Variants in MYLK3 observed in about 807,000 individuals in gnomAD.
MYLK3 encodes the protein myosin light chain kinase 3.
A neutral mutation model predicts 76.3 loss-of-function variants in MYLK3; 55 were observed. The observed-to-expected ratio is 0.72, with a 90% CI of 0.58 to 0.90. MYLK3 has a LOEUF of 0.90. Ranked by LOEUF, MYLK3 falls within the 40% of genes least tolerant of loss-of-function variation. MYLK3 has a pLI of 0.00. For synonymous variants in MYLK3, 416 were observed against 425.4 expected, an observed-to-expected ratio of 0.98 and a Z score of 0.27; for missense variants, 973 against 1,053.6, an observed-to-expected ratio of 0.92 and a Z score of 1.06.
In MYLK3 at chr16:46,738,046, T is replaced by G. The variant is rs781682946; in HGVS notation, c.666A>C (p.Ser222=). Residue 222 remains serine, a synonymous_variant, in exon 3 of 13, where the codon TCA becomes TCC. Coordinates refer to ENST00000394809, the MANE Select transcript of MYLK3 (RefSeq NM_182493.3). ...LGADPAQAVV[S]PGQGDGVPGP... ...CAGGAACACCATCTCCCTGGCCCGG[T>G]GAGACCACTGCCTGGGCGGGGTCAG... 2 of 1,610,366 alleles carry G rather than the reference T, an allele frequency of 1.2e-6. No individual in the cohort carries two copies. Among genetic ancestry groups the G allele is most frequent in the South Asian group, 2.2e-5 (2 of 90,892 alleles).
chr16:46,737,638 G>T, intron 3 of MYLK3, 73 bp downstream of exon 3: 1 of 1,416,658 alleles, frequency 7.1e-7, no homozygotes, highest in Non-Finnish European at 9.6e-7. Context: ...AGTGGATGCT[G>T]CCCACGGCCG....
Position 46,740,147 on chromosome 16 carries a change from T to C in MYLK3, c.478A>G (p.Asn160Asp), listed in dbSNP as rs1217828937. 2 of 1,613,270 alleles carry C rather than the reference T, an allele frequency of 1.2e-6. No individual in the cohort carries two copies. Among genetic ancestry groups the C allele is most frequent in the South Asian group, 2.2e-5 (2 of 91,042 alleles). ...CCCTCTTCTTCCACTCGCTCTTTAT[T>C]CTAAAATAACAACCATAAAAAATGT... ...RGSPGDSPEE[N>D]KERVEEEGGK... Residue 160 changes from asparagine to aspartate, a missense_variant and splice_region_variant, in exon 2 of 13, where the codon AAT becomes GAT. Physicochemically the swap from Asn to Asp is conservative, Grantham distance 23 (BLOSUM62 1). Coordinates refer to ENST00000394809, the MANE Select transcript of MYLK3 (RefSeq NM_182493.3).
chr16:46,723,330 C>T (rs1309104288), intron 8 of MYLK3, among the ~76,000 whole-genome samples: 2 of 152,196 alleles, frequency 1.3e-5, no homozygotes, highest in Admixed American at 1.3e-4. Flanking sequence ...CATTCCTTTT[C>T]ATGGCTAAAT....
chr16:46,718,912 G>C (rs1346533260), intron 9 of MYLK3, among the ~76,000 whole-genome samples: 1 of 152,068 alleles, frequency 6.6e-6, no homozygotes, highest in African/African-American at 2.4e-5. Context: ...GTTGCAGTGA[G>C]CCTGACAGAG....
rs1412617065 is a variant in MYLK3, at chr16:46,716,123, C to G, written c.1986-3347G>C. The stretch of plus-strand genomic sequence containing the variant: ...CCTGCATTATCATGGGTTTTGGGTG[C>G]CTGCCCGTCACCAGAGCCCAGCTGT... On this transcript the variant is annotated intron_variant, in intron 9 of 12. Transcript: ENST00000394809. Among the ~76,000 whole-genome samples the G allele has an allele frequency of 2.0e-5, 3 of 152,184 alleles. No individual in the cohort carries two copies. In the South Asian group the frequency reaches 6.2e-4, roughly 31 times the overall value.
intron 8 of MYLK3, among the ~76,000 whole-genome samples, chr16:46,723,319 T>C (rs990102551): frequency 2.6e-5 from 4 of 152,210 alleles, no homozygotes; most frequent in Admixed American, 6.5e-5. Flanking sequence ...TATCAGCACT[T>C]CATTCCTTTT....
chr16:46,730,512 C>G (rs901405835), intron 5 of MYLK3, 81 bp downstream of exon 5: 2 of 1,150,666 alleles, frequency 1.7e-6, no homozygotes, highest in Non-Finnish European at 2.6e-6. Context: ...CTGCAGCACC[C>G]ACCCCAGTTC....
Position 46,732,566 on chromosome 16 carries a change from G to T in MYLK3, c.1104C>A (p.Ala368=), listed in dbSNP as rs765555940. 2 of 1,599,814 alleles carry T rather than the reference G, an allele frequency of 1.3e-6. No homozygotes were observed. The highest frequency in any genetic ancestry group is 3.3e-5 in the Admixed American group (2 of 59,948). Residue 368 remains alanine (A), a synonymous_variant, in exon 4 of 13, where the codon GCC becomes GCA. Transcript: ENST00000394809. ...CAGGTGGGCCCTGCTTGCCTGGCTG[G>T]GCAGCTGCTGGAGCCTCTGTGGTGA... ...PTLTTEAPAA[A]QPGKQGPPGT...
intron 1 of MYLK3, among the ~76,000 whole-genome samples, chr16:46,746,661 G>A (rs1402564561): frequency 1.3e-5 from 2 of 152,156 alleles, no homozygotes; most frequent in African/African-American, 4.8e-5. Flanking sequence ...TTGGCCTCAA[G>A]CAATCCTCCC....
At chr16:46,746,519 C>CA (rs1386294282) in intron 1 of MYLK3, among the ~76,000 whole-genome samples, 1 of 152,172 alleles carries the variant, frequency 6.6e-6, no homozygotes, top group Non-Finnish European at 1.5e-5. Context: ...TTCCAGGACT[C>CA]AAACAATTCT....
intron 3 of MYLK3, among the ~76,000 whole-genome samples, chr16:46,733,334 G>A (rs938024187): frequency 3.3e-5 from 5 of 152,274 alleles, no homozygotes; most frequent in African/African-American, 1.2e-4. Flanking sequence ...CAGCCTGGGC[G>A]ACAGAGTGAG....
intron 1 of MYLK3, among the ~76,000 whole-genome samples, chr16:46,753,801 T>C (rs1175170587): frequency 6.6e-6 from 1 of 152,122 alleles, no homozygotes; most frequent in Non-Finnish European, 1.5e-5. Flanking sequence ...TACTCCCAGA[T>C]ATTTGGGAAG....
chr16:46,710,897 A>G, intron 10 of MYLK3, 108 bp from the exon 11 acceptor site: 8 of 1,331,682 alleles, frequency 6.0e-6, no homozygotes, highest in Non-Finnish European at 7.4e-6. Flanking sequence ...CAGAACCAAG[A>G]GGGTTCAAAA....
rs373471461 is a variant in MYLK3, at chr16:46,747,873, G to A, written c.321C>T (p.His107=). 1.5e-5 allele frequency: 24 copies of A among 1,613,922 alleles called. No homozygotes were observed. Among genetic ancestry groups the A allele is most frequent in the African/African-American group, 6.7e-5 (5 of 74,950 alleles). ...VRAMQQDAAQ[H]GARLEALFRM... ...TGAAGAGGGCCTCCAGCCTGGCACCGTGCTGGGCCGCATCCTGCTGCATGG... is the reference window on the plus strand; with the variant it reads ...TGAAGAGGGCCTCCAGCCTGGCACCATGCTGGGCCGCATCCTGCTGCATGG... Residue 107 remains histidine, a synonymous_variant, in exon 1 of 13, where the codon CAC becomes CAT. Coordinates refer to ENST00000394809, the MANE Select transcript of MYLK3 (RefSeq NM_182493.3).
At chr16:46,716,017 G>A (rs577977538) in intron 9 of MYLK3, among the ~76,000 whole-genome samples, 7 of 152,308 alleles carry the variant, frequency 4.6e-5, no homozygotes, top group African/African-American at 1.7e-4. Flanking sequence ...GCCAGATGAT[G>A]GAGGTTGTTT....
intron 8 of MYLK3, chr16:46,726,662 AAAAAGAAAGAAAGAG>A (rs1966841158): frequency 2.7e-5 from 1 of 37,014 alleles, no homozygotes; most frequent in Non-Finnish European, 6.8e-5. Context: ...AAGAAGAAAG[AAAAAGAAAGAAAGAG>A]AAAGAAAGAA....
upstream of MYLK3, among the ~76,000 whole-genome samples, chr16:46,750,122 C>A (rs370948399): frequency 5.9e-4 from 90 of 152,210 alleles, no homozygotes; most frequent in Non-Finnish European, 1.1e-3. Flanking sequence ...CTCCCCCACC[C>A]GACCAGGGCA....
At chr16:46,742,468 A>G (rs1966949490) in intron 1 of MYLK3, among the ~76,000 whole-genome samples, 1 of 151,586 alleles carries the variant, frequency 6.6e-6, no homozygotes, top group Non-Finnish European at 1.5e-5. Flanking sequence ...ACACACACAC[A>G]CACACACACA....
rs1200236667 is a variant in MYLK3, at chr16:46,754,898, G to A, written c.-114+8142C>T. Among the ~76,000 whole-genome samples, 5 of 151,682 alleles carry A rather than the reference G, an allele frequency of 3.3e-5. No individual in the cohort carries two copies. In the East Asian group the frequency reaches 5.8e-4, roughly 18 times the overall value. On this transcript the variant is annotated intron_variant, in intron 1 of 11. Transcript: ENST00000536476. Reference sequence around the variant, plus strand: ...TGATTTGCAAAAATGCAAACAATTCGTGCTTTTTTTTTTTTTGAGACATGG... The same window carrying A: ...TGATTTGCAAAAATGCAAACAATTCATGCTTTTTTTTTTTTTGAGACATGG...
Sources: allele counts gnomAD v4.1 joint callset (sites outside exome capture counted in the v4.1 genomes callset), GRCh38; gene constraint gnomAD v4.1.1; transcripts MANE v1.5; gene names NCBI Gene and HGNC (gene_info 2026-07-23, HGNC 2026-07-21).